The following CNTN4 variants were observed in gnomAD, a reference collection of about 807,000 sequenced individuals.
CNTN4 encodes contactin 4.
In CNTN4, 77 loss-of-function variants were observed where a neutral mutation model predicts 122.5. The ratio of observed to expected loss-of-function variants is 0.63; its 90% confidence interval spans 0.52 to 0.76. The LOEUF (loss-of-function observed/expected upper bound fraction) is 0.76, where lower values mean the gene tolerates loss of function less well. Ranked by LOEUF, CNTN4 falls within the 30% of genes least tolerant of loss-of-function variation. The probability of loss-of-function intolerance (pLI) is 0.00; values close to 1 mark genes in which losing one functional copy is unlikely to be tolerated. For missense variants in CNTN4, 1,256 were observed against 1,259.1 expected, an observed-to-expected ratio of 1.00 and a Z score of 0.04; for synonymous variants, 512 against 447.0, an observed-to-expected ratio of 1.15 and a Z score of -1.83.
chr3:2,997,599 A>T (rs558503553), intron 14 of CNTN4, among the ~76,000 whole-genome samples: 104 of 152,342 alleles, frequency 6.8e-4, no homozygotes, highest in African/African-American at 2.4e-3. Context: ...ATTTAAGAAA[A>T]CTGCCCAAAA....
At chr3:2,834,333 G>A (rs2093168718) in intron 7 of CNTN4, among the ~76,000 whole-genome samples, 1 of 152,088 alleles carries the variant, frequency 6.6e-6, no homozygotes, top group East Asian at 1.9e-4. Flanking sequence ...GGGAGGCCGA[G>A]GTGGGCAGAT....
Position 2,345,359 on chromosome 3 carries a change from G to A in CNTN4, c.-89+6126G>A, listed in dbSNP as rs186042732. Among the ~76,000 whole-genome samples, 350 of 152,204 alleles carry A rather than the reference G, an allele frequency of 2.3e-3. 1 individual carries two copies. Among genetic ancestry groups the A allele is most frequent in the Middle Eastern group, 3.4e-3 (1 of 294 alleles). ...TCATCTGGAAATATAAGGGATAATTGTGTTATTCTGTGAAGTATTTTATAA... is the reference window on the plus strand; with the variant it reads ...TCATCTGGAAATATAAGGGATAATTATGTTATTCTGTGAAGTATTTTATAA... On this transcript the variant is annotated intron_variant, in intron 3 of 24. Coordinates refer to ENST00000418658, the MANE Select transcript of CNTN4 (RefSeq NM_175607.3).
rs7611944 is a variant in CNTN4 at position 2,829,474 on chromosome 3, A to G, written c.454+9893A>G. Reference sequence around the variant, plus strand: ...AGCTCAAAGAAAGAATCAGCAAAAGAAGCAAAAGGGAGGAATTGGGGCCTG... The same window carrying G: ...AGCTCAAAGAAAGAATCAGCAAAAGGAGCAAAAGGGAGGAATTGGGGCCTG... On this transcript the variant is annotated intron_variant, in intron 7 of 24. Transcript: ENST00000418658. Among the ~76,000 whole-genome samples the G allele has an allele frequency of 2.9e-3, 435 of 152,320 alleles. 5 individuals carry two copies. The highest frequency in any genetic ancestry group is 9.9e-3 in the African/African-American group (413 of 41,550).
chr3:2,522,778 A>G (rs976154096), intron 3 of CNTN4, among the ~76,000 whole-genome samples: 2 of 152,012 alleles, frequency 1.3e-5, no homozygotes, highest in Admixed American at 1.3e-4. Context: ...AGTAATAAGG[A>G]TAAAGACCAT....
chr3:2,971,445 T>C (rs113329169), intron 13 of CNTN4, among the ~76,000 whole-genome samples: 1,966 of 152,276 alleles, frequency 0.013, 36 homozygotes, highest in African/African-American at 0.044. Context: ...TGGAATTCAG[T>C]GGTATACCAT....
chr3:2,935,039 T>C (rs966262854), intron 13 of CNTN4, among the ~76,000 whole-genome samples: 1 of 152,042 alleles, frequency 6.6e-6, no homozygotes, highest in Non-Finnish European at 1.5e-5. Context: ...TTAGGGAGAT[T>C]GGTGTTTTAA....
chr3:2,299,227 A>G (rs1404101681), intron 2 of CNTN4, among the ~76,000 whole-genome samples: 2 of 152,206 alleles, frequency 1.3e-5, no homozygotes, highest in Non-Finnish European at 2.9e-5. Flanking sequence ...AGATTAACAA[A>G]ACACATTATA....
intron 3 of CNTN4, among the ~76,000 whole-genome samples, chr3:2,381,737 T>A (rs1345807326): frequency 6.6e-6 from 1 of 152,200 alleles, no homozygotes; most frequent in Non-Finnish European, 1.5e-5. Context: ...AAGGCTCTGG[T>A]ACTGTTTTGA....
At chr3:2,729,286 C>T (rs71311721) in intron 4 of CNTN4, among the ~76,000 whole-genome samples, 8,509 of 152,108 alleles carry the variant, frequency 0.056, 301 homozygotes, top group Middle Eastern at 0.096. Flanking sequence ...TGAAAGTGGC[C>T]GGGCGCGGTG....
chr3:2,199,579 A>T (rs924047813), intron 2 of CNTN4, among the ~76,000 whole-genome samples: 4 of 152,184 alleles, frequency 2.6e-5, no homozygotes, highest in Non-Finnish European at 5.9e-5. Context: ...GCTTTTATTT[A>T]ACATGTGCTA....
At chr3:2,790,923 T>C (rs1329111890) in intron 6 of CNTN4, among the ~76,000 whole-genome samples, 1 of 152,220 alleles carries the variant, frequency 6.6e-6, no homozygotes, top group Admixed American at 6.5e-5. Context: ...TACTTTTGTT[T>C]AGATAAGGTT....
intron 2 of CNTN4, among the ~76,000 whole-genome samples, chr3:2,169,459 T>G (rs371086046): frequency 1.6e-3 from 242 of 152,074 alleles, no homozygotes; most frequent in Middle Eastern, 3.4e-3. Context: ...CAGGCTGGAG[T>G]GCGGTGGCGC....
intron 3 of CNTN4, among the ~76,000 whole-genome samples, chr3:2,509,004 G>T (rs556365158): frequency 6.6e-6 from 1 of 152,296 alleles, no homozygotes; most frequent in Admixed American, 6.5e-5. Flanking sequence ...AAAAACAAGT[G>T]CAAATCACAT....
rs143419702 is a variant in CNTN4, at chr3:2,532,228, G to C, written c.-88-39188G>C. ...CTATTTTGTGAGATAGTTTTTCCTA[G>C]GTCTTATGGCAGGATTTGGGGTTTT... is the stretch of plus-strand genomic sequence containing the variant. On this transcript the variant is annotated intron_variant, in intron 3 of 24. Coordinates refer to ENST00000418658, the MANE Select transcript of CNTN4 (RefSeq NM_175607.3). 3.7e-3 allele frequency among the ~76,000 whole-genome samples: 560 copies of C among 152,176 alleles called. 6 individuals are homozygous for C. Among genetic ancestry groups the C allele is most frequent in the African/African-American group, 0.013 (532 of 41,536 alleles).
chr3:2,391,801 T>C (rs1347422907), intron 3 of CNTN4, among the ~76,000 whole-genome samples: 13 of 152,138 alleles, frequency 8.5e-5, no homozygotes, highest in Admixed American at 7.9e-4. Flanking sequence ...TCACAAAAAC[T>C]TACCGTAGCT....
intron 14 of CNTN4, among the ~76,000 whole-genome samples, chr3:3,023,015 G>A (rs1026277339): frequency 3.9e-5 from 6 of 152,098 alleles, no homozygotes; most frequent in African/African-American, 7.2e-5. Context: ...TCCTGATCTC[G>A]ATGAATTAAA....
chr3:2,416,120 T>A (rs1196064383), intron 3 of CNTN4, among the ~76,000 whole-genome samples: 3 of 101,844 alleles, frequency 2.9e-5, no homozygotes, highest in African/African-American at 8.5e-5. Flanking sequence ...AAGCAAGAAA[T>A]ATATATATAT....
intron 2 of CNTN4, among the ~76,000 whole-genome samples, chr3:2,249,446 G>A (rs2040290479): frequency 6.6e-6 from 1 of 151,852 alleles, no homozygotes; most frequent in Non-Finnish European, 1.5e-5. Flanking sequence ...TTTTTTCCAG[G>A]ACAGTTAGTG....
intron 4 of CNTN4, among the ~76,000 whole-genome samples, chr3:2,728,296 G>GT (rs756494784): frequency 4.6e-5 from 7 of 152,174 alleles, no homozygotes; most frequent in Admixed American, 1.3e-4. Flanking sequence ...TGATCTTACA[G>GT]TTTTTTAGCC....
Sources: allele counts gnomAD v4.1 joint callset (sites outside exome capture counted in the v4.1 genomes callset), GRCh38; gene constraint gnomAD v4.1.1; transcripts MANE v1.5; gene names NCBI Gene and HGNC (gene_info 2026-07-23, HGNC 2026-07-21).